SLC35F3: variants seen among roughly 807,000 people sequenced by gnomAD.
SLC35F3 encodes the protein putative thiamine transporter SLC35F3.
SLC35F3 carries 25 observed loss-of-function variants against 49.9 expected under a neutral mutation model. The ratio of observed to expected loss-of-function variants is 0.50; its 90% confidence interval spans 0.37 to 0.70. SLC35F3 has a LOEUF of 0.70. SLC35F3 is among the 30% of genes least tolerant of loss of function. The probability of loss-of-function intolerance (pLI) is 0.00; values close to 1 mark genes in which losing one functional copy is unlikely to be tolerated. For missense variants in SLC35F3, 525 were observed against 639.8 expected, an observed-to-expected ratio of 0.82 and a Z score of 1.94; for synonymous variants, 275 against 265.4, an observed-to-expected ratio of 1.04 and a Z score of -0.35.
At chr1:234,101,759 A>G (rs1242778411) in intron 2 of SLC35F3, among the ~76,000 whole-genome samples, 1 of 152,248 alleles carries the variant, frequency 6.6e-6, no homozygotes. Flanking sequence ...TTCTTGACAC[A>G]TTCTTAGGAC....
At position 234,027,868 on chromosome 1, in the gene SLC35F3, A is replaced by G. The variant is rs1229064672; in HGVS notation, c.283+122110A>G. Among the ~76,000 whole-genome samples, 1 of 152,228 alleles carries G rather than the reference A, an allele frequency of 6.6e-6. No individual in the cohort carries two copies. Among genetic ancestry groups the G allele is most frequent in the African/African-American group, 2.4e-5 (1 of 41,464 alleles). On this transcript the variant is annotated intron_variant, in intron 2 of 7. Transcript: ENST00000366618. The surrounding 1 kb of genome is among the most constrained non-coding windows in gnomAD (Gnocchi z 4.1). Reference sequence around the variant, plus strand: ...GAGGGGAGATGGATGATAAAGGAATAAGCCCGTGTAAAAGCGAGGTAATTT... The same window carrying G: ...GAGGGGAGATGGATGATAAAGGAATGAGCCCGTGTAAAAGCGAGGTAATTT...
chr1:234,320,087 C>A lies in SLC35F3; in HGVS notation c.1148-11C>A, dbSNP rs748214286. 6.4e-7 allele frequency: 1 copy of A among 1,574,420 alleles called. No individual in the cohort carries two copies. The highest frequency in any genetic ancestry group is 8.7e-7 in the Non-Finnish European group (1 of 1,143,908). On this transcript the variant is annotated splice_polypyrimidine_tract_variant and intron_variant, in intron 6 of 7. Coordinates refer to ENST00000366618, the MANE Select transcript of SLC35F3 (RefSeq NM_173508.4). The surrounding 1 kb of genome is among the most constrained non-coding windows in gnomAD (Gnocchi z 4.8). ...ATGAATAACACTCGTTGTTTACATT[C>A]TTTATTTCAGCATTCAATATTGTAT... is the stretch of plus-strand genomic sequence containing the variant.
intron 2 of SLC35F3, among the ~76,000 whole-genome samples, chr1:233,925,795 GCTTC>G (rs1298971111): frequency 6.6e-6 from 1 of 152,138 alleles, no homozygotes; most frequent in African/African-American, 2.4e-5. Context: ...CATGTTTAGT[GCTTC>G]CTTCAGGAGC....
chr1:234,219,383 T>C (rs1415939458), intron 2 of SLC35F3, among the ~76,000 whole-genome samples: 1 of 152,218 alleles, frequency 6.6e-6, no homozygotes, highest in Non-Finnish European at 1.5e-5. Flanking sequence ...TAGCTCTAGG[T>C]CTGAAACTTC....
chr1:234,189,487 G>T (rs1328468371), intron 2 of SLC35F3, among the ~76,000 whole-genome samples: 1 of 148,636 alleles, frequency 6.7e-6, no homozygotes, highest in East Asian at 2.0e-4. Context: ...CGAAGACAAG[G>T]TTTTGAAATA....
rs1427996248 is a variant in SLC35F3 at position 234,317,203 on chromosome 1, T to G, written c.954+476T>G. ...GCATTTCAAGTACTGCCTTGAAGGC[T>G]AAATAAATAAAAGTACAACGGCTGT... is the stretch of plus-strand genomic sequence containing the variant. On this transcript the variant is annotated intron_variant, in intron 5 of 7. Transcript: ENST00000366618. Among the ~76,000 whole-genome samples the G allele has an allele frequency of 2.0e-5, 3 of 152,202 alleles. 1 individual carries two copies. The South Asian group carries it at 6.2e-4, about 31-fold the overall frequency.
At chr1:234,101,441 C>G (rs190631130) in intron 2 of SLC35F3, among the ~76,000 whole-genome samples, 6 of 152,264 alleles carry the variant, frequency 3.9e-5, no homozygotes, top group African/African-American at 1.4e-4. Flanking sequence ...ATTGTCATAC[C>G]AATGTTCTTC....
At chr1:233,998,175 A>T (rs1049760176) in intron 2 of SLC35F3, among the ~76,000 whole-genome samples, 2 of 152,154 alleles carry the variant, frequency 1.3e-5, no homozygotes, top group Admixed American at 1.3e-4. Context: ...TACTATAAGC[A>T]AATAAAGTCT....
intron 2 of SLC35F3, among the ~76,000 whole-genome samples, chr1:233,979,052 A>AC (rs1663137865): frequency 6.6e-6 from 1 of 151,934 alleles, no homozygotes; most frequent in African/African-American, 2.4e-5. Flanking sequence ...AAAAAAAAAA[A>AC]ACAAAAAGCA....
At chr1:234,157,077 G>A (rs1666165326) in intron 2 of SLC35F3, among the ~76,000 whole-genome samples, 1 of 152,094 alleles carries the variant, frequency 6.6e-6, no homozygotes, top group African/African-American at 2.4e-5. Context: ...GCCAAAAACC[G>A]TTGAAGTGTG....
At chr1:234,210,066 G>A (rs1667027634) in intron 2 of SLC35F3, among the ~76,000 whole-genome samples, 1 of 152,116 alleles carries the variant, frequency 6.6e-6, no homozygotes, top group Non-Finnish European at 1.5e-5. Flanking sequence ...TCTTTCCCAT[G>A]CTGTTCTCAT....
At chr1:234,085,471 A>G (rs1664947095) in intron 2 of SLC35F3, among the ~76,000 whole-genome samples, 1 of 152,218 alleles carries the variant, frequency 6.6e-6, no homozygotes, top group African/African-American at 2.4e-5. Context: ...TCATTGTGCT[A>G]TGATCCTTAT....
At position 234,227,331 on chromosome 1, in the gene SLC35F3, G is replaced by A. The variant is rs147370215; in HGVS notation, c.284-4086G>A. Reference sequence around the variant, plus strand: ...TGTACTAATGGTCCCAGGAGCTGTGGCAGTAAACAGTGTGAGACAAATTTT... The same window carrying A: ...TGTACTAATGGTCCCAGGAGCTGTGACAGTAAACAGTGTGAGACAAATTTT... On this transcript the variant is annotated intron_variant, in intron 2 of 7. Coordinates refer to ENST00000366618, the MANE Select transcript of SLC35F3 (RefSeq NM_173508.4). Among the ~76,000 whole-genome samples the A allele has an allele frequency of 3.3e-5, 5 of 152,138 alleles. No individual in the cohort carries two copies. The East Asian group carries it at 9.6e-4, about 29-fold the overall frequency.
At chr1:234,277,485 C>T (rs1267621638) in intron 3 of SLC35F3, among the ~76,000 whole-genome samples, 1 of 152,244 alleles carries the variant, frequency 6.6e-6, no homozygotes, top group Non-Finnish European at 1.5e-5. Flanking sequence ...TCAAAGGCAT[C>T]TTTACATCAG....
At chr1:234,310,093 A>C (rs1010765793) in intron 4 of SLC35F3, among the ~76,000 whole-genome samples, 5 of 152,362 alleles carry the variant, frequency 3.3e-5, no homozygotes, top group African/African-American at 1.2e-4. Context: ...TTCAAAGCAC[A>C]GGGCAGAACC....
intron 2 of SLC35F3, among the ~76,000 whole-genome samples, chr1:234,081,674 C>T (rs1295169970): frequency 1.3e-5 from 2 of 152,050 alleles, no homozygotes; most frequent in African/African-American, 2.4e-5. Context: ...AAAGAGAATA[C>T]TCCATCAAAG....
chr1:234,093,610 A>C (rs1486570730), intron 2 of SLC35F3, among the ~76,000 whole-genome samples: 1 of 152,214 alleles, frequency 6.6e-6, no homozygotes, highest in Non-Finnish European at 1.5e-5. Context: ...TATTTGTGGG[A>C]CCACGACCCG....
At chr1:234,032,684 A>G (rs1464195620) in intron 2 of SLC35F3, among the ~76,000 whole-genome samples, 1 of 152,164 alleles carries the variant, frequency 6.6e-6, no homozygotes, top group Non-Finnish European at 1.5e-5. Context: ...AAATGCCATT[A>G]TTTCATTCCT....
rs984069932 is a variant in SLC35F3, at chr1:234,320,278, ACACT to A, written c.1237+95_1237+98del. The A allele has an allele frequency of 7.3e-5, 63 of 862,874 alleles. No individual in the cohort carries two copies. Among genetic ancestry groups the A allele is most frequent in the African/African-American group, 1.2e-4 (7 of 60,796 alleles). The allele number at this position is 862,874 out of a possible 1,614,324, so 53.5% of individuals were successfully genotyped here. A position where few individuals can be genotyped will look rare whatever the true frequency, so the allele number is the denominator to read the frequency against. ...CATACACACACTCATGCATACATAC[ACACT>A]CACACATACACTCACATACACACAC... On this transcript the variant is annotated intron_variant, in intron 7 of 7. Transcript: ENST00000366618. The surrounding 1 kb of genome is among the most constrained non-coding windows in gnomAD (Gnocchi z 4.8).
Sources: allele counts gnomAD v4.1 joint callset (sites outside exome capture counted in the v4.1 genomes callset), GRCh38; gene constraint gnomAD v4.1.1; non-coding constraint Gnocchi (gnomAD v3.1); transcripts MANE v1.5; gene names NCBI Gene and HGNC (gene_info 2026-07-23, HGNC 2026-07-21).